Variants in ASTN2 observed in about 807,000 individuals in gnomAD.
The protein encoded by ASTN2 is astrotactin 2.
ASTN2 carries 54 observed loss-of-function variants against 139.8 expected under a neutral mutation model. The ratio of observed to expected loss-of-function variants is 0.39; its 90% CI spans 0.31 to 0.48. The LOEUF (loss-of-function observed/expected upper bound fraction) is 0.48, where lower values mean the gene tolerates loss of function less well. Ranked by LOEUF, ASTN2 falls within the 20% of genes least tolerant of loss-of-function variation. The pLI is 0.95. For missense variants in ASTN2, 1,565 were observed against 1,725.1 expected (o/e 0.91, Z 1.64); for synonymous variants, 756 against 719.5 (o/e 1.05, Z -0.81).
At chr9:117,321,282 T>C (rs1346695955) in intron 1 of ASTN2, among the ~76,000 whole-genome samples, 3 of 152,178 alleles carry the variant, frequency 2.0e-5, no homozygotes, top group Non-Finnish European at 4.4e-5. Context: ...CAGTACCAGG[T>C]TGAGAGCAGA....
intron 7 of ASTN2, among the ~76,000 whole-genome samples, chr9:116,980,082 G>A (rs929737825): frequency 1.3e-5 from 2 of 152,150 alleles, no homozygotes; most frequent in Non-Finnish European, 2.9e-5. Flanking sequence ...AAAGTAGGCA[G>A]AGGGAAAAGC....
At chr9:116,511,002 C>A (rs1198307198) in intron 19 of ASTN2, among the ~76,000 whole-genome samples, 1 of 152,158 alleles carries the variant, frequency 6.6e-6, no homozygotes, top group Non-Finnish European at 1.5e-5. Context: ...ATTTCCTTCT[C>A]CTGCCTGATT....
At chr9:116,840,655 C>A in intron 11 of ASTN2, among the ~76,000 whole-genome samples, 1 of 88,620 alleles carries the variant, frequency 1.1e-5, no homozygotes. Context: ...CTCCTCACTT[C>A]TCAGACGGGG....
intron 5 of ASTN2, among the ~76,000 whole-genome samples, chr9:117,053,178 A>G (rs1838962290): frequency 6.6e-6 from 1 of 152,052 alleles, no homozygotes; most frequent in Non-Finnish European, 1.5e-5. Context: ...TGGATTGTGC[A>G]TGGTGACTCA....
chr9:117,371,875 C>T (rs1258111003), intron 1 of ASTN2, among the ~76,000 whole-genome samples: 3 of 152,050 alleles, frequency 2.0e-5, no homozygotes, highest in African/African-American at 4.8e-5. Context: ...CCACCTTTCA[C>T]ACAGGTTCAT....
At chr9:117,339,341 G>T (rs1587961685) in intron 1 of ASTN2, among the ~76,000 whole-genome samples, 1 of 152,062 alleles carries the variant, frequency 6.6e-6, no homozygotes, top group Non-Finnish European at 1.5e-5. Flanking sequence ...GAGATTTGAA[G>T]GGTACACATG....
intron 19 of ASTN2, among the ~76,000 whole-genome samples, chr9:116,491,455 T>C (rs1333310109): frequency 3.3e-5 from 5 of 152,176 alleles, no homozygotes; most frequent in African/African-American, 7.2e-5. Context: ...GGGAGGTTTC[T>C]CAATGCTATT....
chr9:117,266,094 A>G (rs12001428), intron 2 of ASTN2, among the ~76,000 whole-genome samples: 4,559 of 152,286 alleles, frequency 0.03, 230 homozygotes, highest in African/African-American at 0.1. Context: ...CAGTTTATAC[A>G]CATTCCTGCA....
chr9:116,686,948 ACAGATTCAGTAAGGTGC>A, intron 16 of ASTN2: 1 of 1,479,876 alleles, frequency 6.8e-7, no homozygotes, highest in Non-Finnish European at 9.0e-7. Flanking sequence ...AGATGGAAAA[ACAGATTCAGTAAGGTGC>A]CAACGCTTTG....
chr9:117,130,539 T>A (rs1829803173), intron 4 of ASTN2, among the ~76,000 whole-genome samples: 1 of 152,166 alleles, frequency 6.6e-6, no homozygotes, highest in South Asian at 2.1e-4. Context: ...ACAACTTATA[T>A]CTGCATTCCT....
intron 6 of ASTN2, among the ~76,000 whole-genome samples, chr9:117,013,987 A>G (rs1837606040): frequency 6.6e-6 from 1 of 152,268 alleles, no homozygotes; most frequent in East Asian, 1.9e-4. Context: ...GGTCTTTACA[A>G]ATGAAGTGTA....
At chr9:116,858,152 T>G (rs949615484) in intron 11 of ASTN2, among the ~76,000 whole-genome samples, 1 of 152,200 alleles carries the variant, frequency 6.6e-6, no homozygotes, top group African/African-American at 2.4e-5. Flanking sequence ...CAGTCCCAGA[T>G]GCCCCATCTG....
chr9:116,912,533 T>C (rs373427657), intron 10 of ASTN2, among the ~76,000 whole-genome samples: 94 of 152,356 alleles, frequency 6.2e-4, no homozygotes, highest in African/African-American at 2.2e-3. Flanking sequence ...TTCATAGCCT[T>C]GCTGTTAATA....
chr9:117,174,123 C>CTAGATAGATAGA (rs35789854), intron 3 of ASTN2, among the ~76,000 whole-genome samples: 62 of 146,958 alleles, frequency 4.2e-4, no homozygotes, highest in South Asian at 1.1e-3. Context: ...AGCTAGCTAA[C>CTAGATAGATAGA]TAGATAGATA....
chr9:116,834,090 C>A (rs1831909372), intron 11 of ASTN2, among the ~76,000 whole-genome samples: 1 of 152,260 alleles, frequency 6.6e-6, no homozygotes, highest in African/African-American at 2.4e-5. Context: ...CAGTCCACAG[C>A]TGCTGAAGGC....
At chr9:117,016,636 ATATATATATATATATATATAACC>A (rs1837700201) in intron 6 of ASTN2, among the ~76,000 whole-genome samples, 3 of 21,446 alleles carry the variant, frequency 1.4e-4, no homozygotes, top group African/African-American at 4.0e-4. Flanking sequence ...ATATATATAT[ATATATATATATATATATATAACC>A]TATATATATG....
intron 2 of ASTN2, among the ~76,000 whole-genome samples, chr9:117,241,727 C>T (rs1290037738): frequency 6.6e-6 from 1 of 152,180 alleles, no homozygotes; most frequent in Non-Finnish European, 1.5e-5. Context: ...TACTGGTCCA[C>T]AGCCCTGGGT....
chr9:117,208,825 C>T (rs1414154138), intron 3 of ASTN2, among the ~76,000 whole-genome samples: 1 of 152,072 alleles, frequency 6.6e-6, no homozygotes, highest in Non-Finnish European at 1.5e-5. Context: ...TGACATATTC[C>T]AAGCCCTGCA....
At chr9:116,755,588 G>A (rs893631052) in intron 13 of ASTN2, among the ~76,000 whole-genome samples, 1 of 152,166 alleles carries the variant, frequency 6.6e-6, no homozygotes, top group Admixed American at 6.5e-5. Flanking sequence ...CCAAAACTAT[G>A]AAAAATAAAT....
Sources: allele counts gnomAD v4.1 joint callset (sites outside exome capture counted in the v4.1 genomes callset), GRCh38; gene constraint gnomAD v4.1.1; transcripts MANE v1.5; gene names NCBI Gene and HGNC (gene_info 2026-07-23, HGNC 2026-07-21).